SLX4IP: variants seen among roughly 807,000 people sequenced by gnomAD.
SLX4IP encodes the protein protein SLX4IP.
Under a neutral mutation model 32.9 loss-of-function variants are expected in SLX4IP, and 34 were observed. The observed-to-expected ratio is 1.03, with a 90% confidence interval of 0.79 to 1.38. SLX4IP has a LOEUF of 1.38. Among genes scored for constraint, SLX4IP ranks in the 40% most tolerant of loss-of-function variants. SLX4IP has a pLI of 0.00. For synonymous variants in SLX4IP, 172 were observed against 171.7 expected (o/e 1.00, Z -0.01); for missense variants, 444 against 479.0 (o/e 0.93, Z 0.68).
At chr20:10,483,028 T>C (rs945197465) in intron 2 of SLX4IP, among the ~76,000 whole-genome samples, 3 of 152,258 alleles carry the variant, frequency 2.0e-5, no homozygotes, top group African/African-American at 7.2e-5. Context: ...ACTGTTCATG[T>C]TTATTCATTT....
intron 2 of SLX4IP, among the ~76,000 whole-genome samples, chr20:10,473,606 C>CT (rs33939350): frequency 9.6e-5 from 13 of 136,050 alleles, no homozygotes; most frequent in African/African-American, 1.6e-4. Context: ...AGTTCTGTTT[C>CT]TTTTTTTTTT....
chr20:10,560,580 C>A, intron 3 of SLX4IP, 120 bp from the exon 4 acceptor site: 1 of 768,790 alleles, frequency 1.3e-6, no homozygotes, highest in Non-Finnish European at 1.9e-6. Flanking sequence ...TTCCTTTCAA[C>A]ATTCACAGCT....
chr20:10,523,926 A>C (rs1284695673), intron 2 of SLX4IP, among the ~76,000 whole-genome samples: 1 of 152,258 alleles, frequency 6.6e-6, no homozygotes, highest in Non-Finnish European at 1.5e-5. Context: ...ATCATTTTTA[A>C]AAAATGAATT....
intron 6 of SLX4IP, among the ~76,000 whole-genome samples, chr20:10,612,634 C>T (rs140317966): frequency 9.3e-4 from 141 of 152,256 alleles, no homozygotes; most frequent in Middle Eastern, 3.4e-3. Flanking sequence ...CAACCTCCGT[C>T]TCCCAGGTTC....
intron 2 of SLX4IP, among the ~76,000 whole-genome samples, chr20:10,493,762 A>G (rs188376583): frequency 1.9e-4 from 29 of 151,416 alleles, no homozygotes; most frequent in African/African-American, 7.0e-4. Flanking sequence ...TACATAACAC[A>G]TTTTAGATGA....
At chr20:10,553,434 A>AT (rs2066237516) in intron 2 of SLX4IP, among the ~76,000 whole-genome samples, 1 of 152,166 alleles carries the variant, frequency 6.6e-6, no homozygotes, top group Non-Finnish European at 1.5e-5. Flanking sequence ...CATGCATTTA[A>AT]AAATATTATT....
chr20:10,547,010 G>A (rs2066168950), intron 2 of SLX4IP, among the ~76,000 whole-genome samples: 1 of 152,176 alleles, frequency 6.6e-6, no homozygotes, highest in Non-Finnish European at 1.5e-5. Flanking sequence ...GGTCCCAGGG[G>A]CATATGTTAA....
chr20:10,591,828 A>C (rs1253122224), intron 4 of SLX4IP, among the ~76,000 whole-genome samples: 1 of 152,176 alleles, frequency 6.6e-6, no homozygotes, highest in Non-Finnish European at 1.5e-5. Flanking sequence ...AGAAATCTGA[A>C]GTGATCATTT....
intron 1 of SLX4IP, among the ~76,000 whole-genome samples, chr20:10,446,328 C>T (rs1305145844): frequency 6.7e-6 from 1 of 150,154 alleles, no homozygotes; most frequent in East Asian, 2.0e-4. Context: ...AAGAGAATCA[C>T]TTGAACTCGG....
chr20:10,547,869 TAACAGAAGGCAGC>T (rs2066178516), intron 2 of SLX4IP, among the ~76,000 whole-genome samples: 3 of 152,142 alleles, frequency 2.0e-5, no homozygotes, highest in Admixed American at 1.3e-4. Context: ...AACCCAAAGG[TAACAGAAGGCAGC>T]TCCTCCACAA....
chr20:10,452,643 G>A (rs1186055903), intron 1 of SLX4IP, among the ~76,000 whole-genome samples: 3 of 136,662 alleles, frequency 2.2e-5, no homozygotes, highest in Admixed American at 1.6e-4. Context: ...TCCAGCCTGG[G>A]CAACAAGAGC....
chr20:10,545,319 C>T (rs942768152), intron 2 of SLX4IP, among the ~76,000 whole-genome samples: 5 of 152,158 alleles, frequency 3.3e-5, no homozygotes, highest in African/African-American at 1.2e-4. Context: ...AGAAACTCCT[C>T]ATTCTGAGGT....
chr20:10,502,419 C>A lies in SLX4IP; in HGVS notation c.27+44188C>A, dbSNP rs115023560. On this transcript the variant is annotated intron_variant, in intron 2 of 7. Transcript: ENST00000334534. ...TGATCCAGGCCATCTTATGTAGAGG[C>A]AAAGCCCATGCCCTCAGGCCTTCCG... Among the ~76,000 whole-genome samples the A allele has an allele frequency of 9.3e-3, 1,421 of 152,328 alleles. 26 individuals carry two copies. The highest frequency in any genetic ancestry group is 0.032 in the African/African-American group (1,346 of 41,570).
chr20:10,487,421 T>C (rs2065584217), intron 2 of SLX4IP, among the ~76,000 whole-genome samples: 1 of 152,178 alleles, frequency 6.6e-6, no homozygotes, highest in Non-Finnish European at 1.5e-5. Context: ...TAATTTGTAA[T>C]GGAAAATAGT....
intron 2 of SLX4IP, among the ~76,000 whole-genome samples, chr20:10,555,773 C>T (rs1445590288): frequency 6.6e-6 from 1 of 152,074 alleles, no homozygotes; most frequent in East Asian, 1.9e-4. Flanking sequence ...CAAAGTGTAC[C>T]GTCCTAGCCA....
chr20:10,449,019 C>G (rs2065222491), intron 1 of SLX4IP, among the ~76,000 whole-genome samples: 1 of 152,184 alleles, frequency 6.6e-6, no homozygotes, highest in African/African-American at 2.4e-5. Context: ...GTACTCCTTC[C>G]ACCATGGATA....
intron 4 of SLX4IP, among the ~76,000 whole-genome samples, chr20:10,588,797 G>A (rs1265283602): frequency 3.3e-5 from 5 of 152,114 alleles, no homozygotes; most frequent in South Asian, 2.1e-4. Flanking sequence ...AGGGAAGGAA[G>A]GGGAGATTTG....
intron 1 of SLX4IP, among the ~76,000 whole-genome samples, chr20:10,445,942 T>G (rs1276969319): frequency 2.5e-5 from 3 of 119,222 alleles, no homozygotes; most frequent in Admixed American, 8.8e-5. Flanking sequence ...GCTTTTTTTT[T>G]TTTTTTTTTT....
At chr20:10,543,880 T>C (rs2066136036) in intron 2 of SLX4IP, among the ~76,000 whole-genome samples, 1 of 152,234 alleles carries the variant, frequency 6.6e-6, no homozygotes, top group African/African-American at 2.4e-5. Context: ...TCATGGCAGC[T>C]AAGAATATTG....
Sources: allele counts gnomAD v4.1 joint callset (sites outside exome capture counted in the v4.1 genomes callset), GRCh38; gene constraint gnomAD v4.1.1; transcripts MANE v1.5; gene names NCBI Gene and HGNC (gene_info 2026-07-23, HGNC 2026-07-21).